The following ZMYM4 variants were observed in gnomAD, a reference collection of about 807,000 sequenced individuals.
The protein encoded by ZMYM4 is zinc finger MYM-type protein 4.
A neutral mutation model predicts 183.2 loss-of-function variants in ZMYM4; 31 were observed. The ratio of observed to expected loss-of-function variants is 0.17; its 90% confidence interval spans 0.13 to 0.23. The LOEUF is 0.23. ZMYM4 is among the 10% of genes least tolerant of loss of function. The pLI is 1.00. For synonymous variants in ZMYM4, 592 were observed against 631.2 expected (o/e 0.94, Z 0.93); for missense variants, 1,273 against 1,840.3 (o/e 0.69, Z 5.64).
chr1:35,286,378 C>G (rs191855997), intron 1 of ZMYM4, among the ~76,000 whole-genome samples: 27 of 152,204 alleles, frequency 1.8e-4, no homozygotes, highest in African/African-American at 5.5e-4. Flanking sequence ...TCCTCCCCGT[C>G]CGCCAAAAAA....
rs185033168 is a variant in ZMYM4, at chr1:35,312,510, A to T, written c.40-12850A>T. ...CCATCCATATCCAGAACCCTCTACC[A>T]TATTCTTTTTAAAGTCTGCGTAGAA... On this transcript the variant is annotated intron_variant, in intron 1 of 29. Transcript: ENST00000314607. Among the ~76,000 whole-genome samples, 13 of 152,202 alleles carry T rather than the reference A, an allele frequency of 8.5e-5. 2 individuals are homozygous for T. Among genetic ancestry groups the T allele is most frequent in the African/African-American group, 2.6e-4 (11 of 41,512 alleles).
intron 1 of ZMYM4, among the ~76,000 whole-genome samples, chr1:35,317,054 G>A (rs1181371875): frequency 6.6e-6 from 1 of 151,710 alleles, no homozygotes; most frequent in Non-Finnish European, 1.5e-5. Flanking sequence ...TCTGGGAGGT[G>A]GAGGTTGCAG....
chr1:35,419,586 C>A lies in ZMYM4; in HGVS notation c.4556C>A (p.Thr1519Asn). 1 of 1,614,144 alleles carries A rather than the reference C, an allele frequency of 6.2e-7. No homozygotes were observed. The highest frequency in any genetic ancestry group is 8.5e-7 in the Non-Finnish European group (1 of 1,180,032). ...CCGATAGACCCTGGAACCCTGGACA[C>A]CATGTTAACACGTATTCTCATGGTG... ...TFPIDPGTLDTMLTRILMVRE... is the reference protein window; with the variant it reads ...TFPIDPGTLDNMLTRILMVRE... The change falls in exon 30 of 30, where the codon ACC becomes AAC. Residue 1519 changes from threonine to asparagine, a missense_variant. By Grantham distance (65) the Thr-to-Asn change is moderately conservative. Transcript: ENST00000314607.
chr1:35,271,954 C>CGTT (rs1177259065), intron 1 of ZMYM4, among the ~76,000 whole-genome samples: 1 of 152,122 alleles, frequency 6.6e-6, no homozygotes, highest in East Asian at 1.9e-4. Context: ...CAGAGGGAAA[C>CGTT]CCCCTCTCTA....
rs200081079 is a variant in ZMYM4 at position 35,413,934 on chromosome 1, T to C, written c.3949-38T>C. 16 of 1,200,948 alleles carry C rather than the reference T, an allele frequency of 1.3e-5. No individual in the cohort carries two copies. In the East Asian group the frequency reaches 3.9e-4, roughly 29 times the overall value. 74.4% of individuals were successfully genotyped at this position (1,200,948 alleles called of 1,614,324 possible). ...ATTTTTTAAGAACTCATGTTTTCTT[T>C]TTATCAACATGTATATTTTCTTTTT... On this transcript the variant is annotated intron_variant, in intron 26 of 29. Coordinates refer to ENST00000314607, the MANE Select transcript of ZMYM4 (RefSeq NM_005095.3).
intron 2 of ZMYM4, chr1:35,351,253 G>T: frequency 6.4e-7 from 1 of 1,568,120 alleles, no homozygotes. Context: ...AGTACCAAAC[G>T]ATTCCCTGGT....
intron 1 of ZMYM4, among the ~76,000 whole-genome samples, chr1:35,319,301 A>G (rs1446953187): frequency 1.3e-5 from 2 of 151,348 alleles, no homozygotes; most frequent in African/African-American, 4.8e-5. Context: ...AGTCGTTTTT[A>G]TATTTCTGCG....
Position 35,387,099 on chromosome 1 carries a change from G to A in ZMYM4, c.1933G>A (p.Ala645Thr). 6.2e-7 allele frequency: 1 copy of A among 1,614,224 alleles called. No individual in the cohort carries two copies. Among genetic ancestry groups the A allele is most frequent in the Non-Finnish European group, 8.5e-7 (1 of 1,180,052 alleles). ...VSIPTGSTVS[A>T]GGGSTSAVSP... is the part of the protein sequence containing the mutation. ...CATCCCCACAGGTTCCACAGTGTCAGCCGGAGGAGGTAGCACATCTGCTGT... is the reference window on the plus strand; with the variant it reads ...CATCCCCACAGGTTCCACAGTGTCAACCGGAGGAGGTAGCACATCTGCTGT... Residue 645 changes from alanine to threonine, a missense_variant, in exon 12 of 30, where the codon GCC becomes ACC. Coordinates refer to ENST00000314607, the MANE Select transcript of ZMYM4 (RefSeq NM_005095.3).
chr1:35,282,810 C>T (rs779368531), intron 1 of ZMYM4, among the ~76,000 whole-genome samples: 1 of 152,056 alleles, frequency 6.6e-6, no homozygotes, highest in Non-Finnish European at 1.5e-5. Flanking sequence ...CCTGCCTTGG[C>T]ATCTCAAAGT....
intron 2 of ZMYM4, among the ~76,000 whole-genome samples, chr1:35,334,863 T>A (rs1484445649): frequency 1.3e-5 from 2 of 152,224 alleles, no homozygotes; most frequent in Non-Finnish European, 2.9e-5. Context: ...AACATTTTGG[T>A]ATCGTTTATG....
intron 7 of ZMYM4, among the ~76,000 whole-genome samples, chr1:35,378,371 G>A (rs541834755): frequency 1.4e-4 from 21 of 152,238 alleles, no homozygotes; most frequent in South Asian, 4.1e-4. Context: ...GGCCGGATCC[G>A]TTATAGGAAT....
At chr1:35,371,318 G>T (rs1455290587) in intron 7 of ZMYM4, among the ~76,000 whole-genome samples, 1 of 151,940 alleles carries the variant, frequency 6.6e-6, no homozygotes, top group Non-Finnish European at 1.5e-5. Context: ...GGCTTTCTCT[G>T]TGTTAGCCAG....
Position 35,398,949 on chromosome 1 carries a change from C to T in ZMYM4, c.3339C>T (p.Ala1113=). Residue 1113 remains alanine (A), a synonymous_variant, in exon 22 of 30, where the codon GCC becomes GCT. Coordinates refer to ENST00000314607, the MANE Select transcript of ZMYM4 (RefSeq NM_005095.3). ...GGGAGGAAGAGCTGAATCACTATGC[C>T]TTAAAGTCAAATGCTGTGCAAGAGG... The part of the protein sequence containing the change: ...HSWEEELNHY[A]LKSNAVQEAD... The T allele has an allele frequency of 6.2e-7, 1 of 1,614,110 alleles. No individual in the cohort carries two copies. The highest frequency in any genetic ancestry group is 8.5e-7 in the Non-Finnish European group (1 of 1,179,994).
intron 26 of ZMYM4, among the ~76,000 whole-genome samples, chr1:35,411,191 T>TC (rs1291145933): frequency 6.7e-6 from 1 of 150,338 alleles, no homozygotes; most frequent in East Asian, 1.9e-4. Context: ...TTTTTTCTTT[T>TC]TTTTTTTTTT....
At chr1:35,412,206 G>T (rs532201796) in intron 26 of ZMYM4, among the ~76,000 whole-genome samples, 1 of 152,022 alleles carries the variant, frequency 6.6e-6, no homozygotes, top group African/African-American at 2.4e-5. Context: ...TGTTTGGATT[G>T]TTCATTGCTA....
chr1:35,385,014 T>G (rs945736183), intron 9 of ZMYM4, among the ~76,000 whole-genome samples: 8 of 152,036 alleles, frequency 5.3e-5, no homozygotes, highest in African/African-American at 1.9e-4. Flanking sequence ...GGCTAATTTT[T>G]TTTGTATTTT....
chr1:35,339,843 A>G (rs574150183), intron 2 of ZMYM4, among the ~76,000 whole-genome samples: 14 of 152,250 alleles, frequency 9.2e-5, no homozygotes, highest in Non-Finnish European at 1.3e-4. Flanking sequence ...ACTCACCAGC[A>G]TCTATCAAAT....
rs775343096 is a variant in ZMYM4, at chr1:35,370,572, C to G, written c.1126C>G (p.Pro376Ala). 2 of 1,612,624 alleles carry G rather than the reference C, an allele frequency of 1.2e-6. No homozygotes were observed. Among genetic ancestry groups the G allele is most frequent in the Admixed American group, 3.3e-5 (2 of 59,916 alleles). The change falls in exon 7 of 30, where the codon CCA becomes GCA. Residue 376 changes from proline to alanine, a missense_variant. Coordinates refer to ENST00000314607, the MANE Select transcript of ZMYM4 (RefSeq NM_005095.3). ...ACTGTGCCTCACTGGATATACAGTT[C>G]CACCTGCCCGCCCACCGCCTCCTCT... ...STLCLTGYTVPPARPPPPLTK... is the reference protein window; with the variant it reads ...STLCLTGYTVAPARPPPPLTK...
At chr1:35,296,843 C>CTTTCTTTTTT (rs1553163901) in intron 1 of ZMYM4, among the ~76,000 whole-genome samples, 41 of 95,610 alleles carry the variant, frequency 4.3e-4, no homozygotes, top group East Asian at 2.8e-3. Context: ...TTCTTTCTTT[C>CTTTCTTTTTT]TTTTTTTTTT....
Sources: gnomAD v4.1 joint callset for allele counts (sites outside exome capture counted in the v4.1 genomes callset) on GRCh38, gnomAD v4.1.1 for gene constraint, MANE v1.5 for transcripts, NCBI Gene and HGNC (gene_info 2026-07-23, HGNC 2026-07-21) for gene names.